AFG2A: variants seen among roughly 807,000 people sequenced by gnomAD.
The protein encoded by AFG2A is AAA ATPase AFG2A, also known as ATPase family gene 2 protein homolog A.
chr4:123,038,992 A>G, the AFG2A span, among the ~76,000 whole-genome samples: 39 of 152,074 alleles, frequency 2.6e-4, no homozygotes, highest in Non-Finnish European at 4.3e-4. Context: ...ATTTATTAAT[A>G]AACCATATTA....
At chr4:122,950,724 G>A in the AFG2A span, among the ~76,000 whole-genome samples, 10 of 152,174 alleles carry the variant, frequency 6.6e-5, no homozygotes, top group Admixed American at 5.2e-4. Context: ...GGTTATGCTC[G>A]TTGTAGCCCT....
chr4:122,925,073 A>G, the AFG2A span, among the ~76,000 whole-genome samples: 2 of 152,158 alleles, frequency 1.3e-5, no homozygotes, highest in African/African-American at 2.4e-5. Context: ...CTCCAACAAA[A>G]TAAACTTCAA....
chr4:123,181,419 C>T, the AFG2A span, among the ~76,000 whole-genome samples: 2 of 151,924 alleles, frequency 1.3e-5, no homozygotes, highest in Non-Finnish European at 2.9e-5. Context: ...CAAGACCAGC[C>T]TCGGCAACAT....
chr4:123,142,149 T>C, the AFG2A span, among the ~76,000 whole-genome samples: 1 of 152,234 alleles, frequency 6.6e-6, no homozygotes. Context: ...AATATCTGTA[T>C]CACTGTGAAG....
At chr4:123,078,808 A>G in the AFG2A span, among the ~76,000 whole-genome samples, 2 of 152,156 alleles carry the variant, frequency 1.3e-5, no homozygotes, top group East Asian at 3.8e-4. Flanking sequence ...AATCTAAAGC[A>G]CAGCTAGATT....
At chr4:123,098,197 A>G in the AFG2A span, among the ~76,000 whole-genome samples, 1 of 152,002 alleles carries the variant, frequency 6.6e-6, no homozygotes, top group African/African-American at 2.4e-5. Flanking sequence ...TCTGTTGTTC[A>G]TATATGAACC....
the AFG2A span, among the ~76,000 whole-genome samples, chr4:123,015,464 GGACACAGCACATGTTTCA>G: frequency 2.0e-5 from 3 of 151,948 alleles, no homozygotes; most frequent in African/African-American, 7.3e-5. Context: ...AACCCTGAGT[GGACACAGCACATGTTTCA>G]GAGAGCACAG....
At chr4:123,088,075 A>C in the AFG2A span, among the ~76,000 whole-genome samples, 12 of 152,182 alleles carry the variant, frequency 7.9e-5, no homozygotes, top group Non-Finnish European at 1.6e-4. Context: ...GATTTGGATA[A>C]CAAGGTCTTT....
At chr4:123,108,129 G>A in the AFG2A span, among the ~76,000 whole-genome samples, 14 of 152,124 alleles carry the variant, frequency 9.2e-5, no homozygotes, top group South Asian at 1.0e-3. Flanking sequence ...CCAGTGCAGC[G>A]GGCGTCCTCA....
the AFG2A span, among the ~76,000 whole-genome samples, chr4:123,265,739 C>A: frequency 7.0e-3 from 1,059 of 152,146 alleles, 7 homozygotes; most frequent in Non-Finnish European, 0.01. Flanking sequence ...ATCCAGTGAA[C>A]AAGTTAGTCA....
At chr4:123,097,012 T>C in the AFG2A span, among the ~76,000 whole-genome samples, 1 of 152,074 alleles carries the variant, frequency 6.6e-6, no homozygotes, top group African/African-American at 2.4e-5. Flanking sequence ...TTTGCCAGGC[T>C]GAAGTGCAGT....
chr4:123,102,431 T>G, the AFG2A span: 2 of 151,984 alleles, frequency 1.3e-5, no homozygotes, highest in African/African-American at 4.8e-5. Flanking sequence ...AAGGAGAACT[T>G]GTTGAGCAGC....
the AFG2A span, among the ~76,000 whole-genome samples, chr4:123,274,586 G>C: frequency 4.1e-5 from 6 of 147,388 alleles, no homozygotes; most frequent in Admixed American, 2.0e-4. Flanking sequence ...ATATAAAAGA[G>C]CACATAATTA....
At chr4:122,992,956 T>G in the AFG2A span, among the ~76,000 whole-genome samples, 27 of 132,894 alleles carry the variant, frequency 2.0e-4, no homozygotes, top group South Asian at 2.7e-4. Flanking sequence ...CCTGTAAGAT[T>G]TGTGTGTGTG....
At chr4:123,200,271 A>G in the AFG2A span, among the ~76,000 whole-genome samples, 2 of 152,248 alleles carry the variant, frequency 1.3e-5, no homozygotes, top group Non-Finnish European at 2.9e-5. Context: ...CCAAAAGGAA[A>G]GTCCACATTT....
the AFG2A span, among the ~76,000 whole-genome samples, chr4:123,152,784 A>G: frequency 4.6e-5 from 7 of 152,220 alleles, no homozygotes; most frequent in Non-Finnish European, 1.0e-4. Context: ...AAACATGTCC[A>G]CACAAAAACC....
the AFG2A span, among the ~76,000 whole-genome samples, chr4:123,194,014 G>A: frequency 6.6e-6 from 1 of 152,160 alleles, no homozygotes; most frequent in Non-Finnish European, 1.5e-5. Context: ...GTGTAATAAG[G>A]AACATGTTCT....
chr4:123,201,895 C>T, the AFG2A span, among the ~76,000 whole-genome samples: 1 of 151,932 alleles, frequency 6.6e-6, no homozygotes, highest in Non-Finnish European at 1.5e-5. Context: ...GCACTCCAGC[C>T]TGGGCAACCA....
chr4:123,055,556 A>T, the AFG2A span, among the ~76,000 whole-genome samples: 6 of 152,196 alleles, frequency 3.9e-5, no homozygotes, highest in Non-Finnish European at 8.8e-5. Context: ...TCAGATTTTT[A>T]AAAATTAATA....
Sources: allele counts gnomAD v4.1 joint callset (sites outside exome capture counted in the v4.1 genomes callset), GRCh38; gene constraint gnomAD v4.1.1; transcripts MANE v1.5; gene names NCBI Gene and HGNC (gene_info 2026-07-23, HGNC 2026-07-21).